The following SCAMP4 variants were observed in gnomAD, a reference collection of about 807,000 sequenced individuals.
SCAMP4 encodes secretory carrier membrane protein 4, also known as secretory carrier-associated membrane protein 4.
A neutral mutation model predicts 32.1 loss-of-function variants in SCAMP4; 19 were observed. The observed-to-expected ratio is 0.59, with a 90% CI of 0.41 to 0.87. SCAMP4 has a LOEUF of 0.87. SCAMP4 is among the 40% of genes least tolerant of loss of function. SCAMP4 has a pLI of 0.00. For synonymous variants in SCAMP4, 152 were observed against 132.7 expected (o/e 1.15, Z -1.00); for missense variants, 302 against 309.0 (o/e 0.98, Z 0.17).
intron 5 of SCAMP4, chr19:1,920,084 T>C (rs1411300940): frequency 1.0e-6 from 1 of 963,944 alleles, no homozygotes; most frequent in East Asian, 1.1e-4. Context: ...GTGCTGGGAT[T>C]ACAGGCGTGA....
intron 5 of SCAMP4, chr19:1,920,234 C>A: frequency 2.0e-6 from 2 of 985,452 alleles, no homozygotes; most frequent in Non-Finnish European, 2.4e-6. Flanking sequence ...GGCGGGAGCT[C>A]CCCACGGGTG....
At chr19:1,913,539 C>G (rs1474355007) in intron 1 of SCAMP4, 1 of 235,522 alleles carries the variant, frequency 4.2e-6, no homozygotes, top group Admixed American at 5.7e-5. Flanking sequence ...CCGGAGGGGA[C>G]CTGCTGAGCC....
At chr19:1,922,563 G>A (rs1191626151) in intron 5 of SCAMP4, 4 of 985,314 alleles carry the variant, frequency 4.1e-6, no homozygotes, top group South Asian at 9.4e-5. Flanking sequence ...GTCCCTCAGT[G>A]CCCACCGGGT....
chr19:1,918,030 G>A (rs756596107), intron 3 of SCAMP4, 97 bp from the exon 4 acceptor site: 101 of 1,471,368 alleles, frequency 6.9e-5, no homozygotes, highest in Non-Finnish European at 8.9e-5. Flanking sequence ...TCACTGGGCT[G>A]GGGAGGCGGA....
rs1003567401 is a variant in SCAMP4 at position 1,908,249 on chromosome 19, C to T, written c.-42+2810C>T. ...GCACCTGGCGCTGCCTCCGCGCTTC[C>T]TGCTCCCGGCTCCCACTGCATCTCC... On this transcript the variant is annotated intron_variant, in intron 1 of 6. Transcript: ENST00000316097. This position sits in a 1 kb window ranked among gnomAD's most constrained non-coding sequence, Gnocchi z 4.2. The T allele has an allele frequency of 3.5e-6, 1 of 283,904 alleles. No homozygotes were observed. Among genetic ancestry groups the T allele is most frequent in the African/African-American group, 2.3e-5 (1 of 43,090 alleles). 17.6% of individuals were successfully genotyped at this position (283,904 alleles called of 1,614,324 possible).
In SCAMP4 at chr19:1,921,217, C is replaced by G. The variant is rs1568774131; in HGVS notation, c.396-1853C>G. The G allele has an allele frequency of 3.0e-5, 30 of 985,158 alleles. No individual in the cohort carries two copies. In the South Asian group the frequency reaches 8.0e-4, roughly 26 times the overall value. The allele number at this position is 985,158 out of a possible 1,614,324, so 61.0% of individuals were successfully genotyped here. ...TTCACCAGCGCCACCTCCCCACACACTCTGTGCACTGCTGTGGGGCAAGAG... is the reference window on the plus strand; with the variant it reads ...TTCACCAGCGCCACCTCCCCACACAGTCTGTGCACTGCTGTGGGGCAAGAG... On this transcript the variant is annotated intron_variant, in intron 5 of 6. Coordinates refer to ENST00000316097, the MANE Select transcript of SCAMP4 (RefSeq NM_079834.4).
intron 1 of SCAMP4, chr19:1,914,677 AT>A: frequency 2.3e-6 from 1 of 437,804 alleles, no homozygotes; most frequent in Non-Finnish European, 4.2e-6. Context: ...TGAAGCCGGG[AT>A]TTGGGGGACG....
At chr19:1,912,500 C>T in intron 1 of SCAMP4, 1 of 1,497,200 alleles carries the variant, frequency 6.7e-7, no homozygotes, top group Non-Finnish European at 8.8e-7. Context: ...CGCCTCTGAC[C>T]AGGGGCCAGT....
At chr19:1,919,465 G>T in intron 5 of SCAMP4, 1 of 983,380 alleles carries the variant, frequency 1.0e-6, no homozygotes, top group South Asian at 4.7e-5. Context: ...GTTTGTGTTG[G>T]TGTCTTAAAT....
At chr19:1,912,833 C>T in intron 1 of SCAMP4, 2 of 1,592,852 alleles carry the variant, frequency 1.3e-6, no homozygotes, top group Non-Finnish European at 1.7e-6. Flanking sequence ...TCAGACCCTT[C>T]CCCGCCTGCT....
intron 5 of SCAMP4, 47 bp downstream of exon 5, chr19:1,919,037 G>A (rs372321530): frequency 2.3e-4 from 357 of 1,566,752 alleles, no homozygotes; most frequent in Non-Finnish European, 3.0e-4. Context: ...TGGCTCAGCT[G>A]CCAGGTTGTG....
At chr19:1,914,842 C>T in intron 1 of SCAMP4, 137 bp from the exon 2 acceptor site, 2 of 702,822 alleles carry the variant, frequency 2.8e-6, no homozygotes, top group Non-Finnish European at 5.0e-6. Flanking sequence ...CGAGTCAGGC[C>T]TGTGGCTCCC....
rs1454755221 is a variant in SCAMP4, at chr19:1,924,155, G to A, written c.561G>A (p.Gln187=). Residue 187 remains glutamine, a synonymous_variant, in exon 7 of 7, where the codon CAG becomes CAA. Transcript: ENST00000316097. ...RGAGGSFQKA[Q]TEWNTGTWRN... is the part of the protein sequence containing the mutation. ...CTGGCGGAAGCTTCCAGAAGGCACA[G>A]ACGGAGTGGAACACGGGCACTTGGC... The A allele has an allele frequency of 6.2e-7, 1 of 1,612,146 alleles. No homozygotes were observed. The highest frequency in any genetic ancestry group is 1.7e-5 in the Admixed American group (1 of 59,792).
intron 2 of SCAMP4, among the ~76,000 whole-genome samples, chr19:1,916,925 C>T (rs2013751373): frequency 6.6e-6 from 1 of 152,260 alleles, no homozygotes; most frequent in African/African-American, 2.4e-5. Context: ...ATGCAGCCTG[C>T]TGCAGCCGCA....
Position 1,914,989 on chromosome 19 carries a change from G to T in SCAMP4, c.-31G>T, listed in dbSNP as rs767325972. 8 of 1,613,852 alleles carry T rather than the reference G, an allele frequency of 5.0e-6. No homozygotes were observed. In the East Asian group the frequency reaches 6.7e-5, roughly 13 times the overall value. Reference sequence around the variant, plus strand: ...TTGTCTTCCTTCCAGGCGGCTGCAGGCTTCAGCCTGCGCTGGTTGGTGAAA... The same window carrying T: ...TTGTCTTCCTTCCAGGCGGCTGCAGTCTTCAGCCTGCGCTGGTTGGTGAAA... On this transcript the variant is annotated 5_prime_UTR_variant, in exon 2 of 7. Coordinates refer to ENST00000316097, the MANE Select transcript of SCAMP4 (RefSeq NM_079834.4).
At position 1,912,072 on chromosome 19, in the gene SCAMP4, C is replaced by T. The variant is rs982350552; in HGVS notation, c.-41-2907C>T. 7.6e-6 allele frequency: 11 copies of T among 1,447,144 alleles called. No individual in the cohort carries two copies. The African/African-American group carries it at 1.6e-4, about 21-fold the overall frequency. The allele number at this position is 1,447,144 out of a possible 1,614,324, so 89.6% of individuals were successfully genotyped here. The stretch of plus-strand genomic sequence containing the variant: ...GATGATCCTCTGCTCCCGTCTCTGT[C>T]TCCCACAGTCGGCCTCGCTGAGGAT... On this transcript the variant is annotated intron_variant, in intron 1 of 6. Transcript: ENST00000316097.
chr19:1,911,804 A>G (rs12609079), intron 1 of SCAMP4: 14 of 402,674 alleles, frequency 3.5e-5, no homozygotes, highest in Non-Finnish European at 4.8e-5. Context: ...TAAAATAAAA[A>G]AAAAAGAAAA....
chr19:1,922,887 C>G lies in SCAMP4; in HGVS notation c.396-183C>G, dbSNP rs185225837. 5.3e-5 allele frequency: 71 copies of G among 1,333,982 alleles called. No individual in the cohort carries two copies. In the African/African-American group the frequency reaches 8.1e-4, roughly 15 times the overall value. 82.6% of individuals were successfully genotyped at this position (1,333,982 alleles called of 1,614,324 possible). On this transcript the variant is annotated intron_variant, in intron 5 of 6. Coordinates refer to ENST00000316097, the MANE Select transcript of SCAMP4 (RefSeq NM_079834.4). The stretch of plus-strand genomic sequence containing the variant: ...TGGTGGAGGGATAAGGTCGTATTCA[C>G]GCGTTGAAGTTGGTGCCTCTCAGTA...
intron 3 of SCAMP4, 102 bp from the exon 4 acceptor site, chr19:1,918,025 G>T: frequency 6.8e-7 from 1 of 1,460,036 alleles, no homozygotes; most frequent in Non-Finnish European, 9.3e-7. Context: ...TGGGGTCACT[G>T]GGCTGGGGAG....
Sources: gnomAD v4.1 joint callset for allele counts (sites outside exome capture counted in the v4.1 genomes callset) on GRCh38, gnomAD v4.1.1 for gene constraint, Gnocchi (gnomAD v3.1) non-coding constraint, MANE v1.5 for transcripts, NCBI Gene and HGNC (gene_info 2026-07-23, HGNC 2026-07-21) for gene names.